The following SPMIP7 variants were observed in gnomAD, a reference collection of about 807,000 sequenced individuals.
SPMIP7 encodes the protein protein SPMIP7.
At chr7:50,148,553 T>TTCGCACAGA in the SPMIP7 span, among the ~76,000 whole-genome samples, 3 of 152,168 alleles carry the variant, frequency 2.0e-5, no homozygotes, top group Non-Finnish European at 4.4e-5. Flanking sequence ...GGGATTTCCT[T>TTCGCACAGA]TGTAACATGC....
the SPMIP7 span, among the ~76,000 whole-genome samples, chr7:50,113,119 C>T: frequency 2.6e-5 from 4 of 151,998 alleles, no homozygotes; most frequent in Non-Finnish European, 4.4e-5. Context: ...AGGGATATTA[C>T]CTTTGTAGTC....
the SPMIP7 span, among the ~76,000 whole-genome samples, chr7:50,134,826 T>C: frequency 2.0e-5 from 3 of 152,220 alleles, no homozygotes; most frequent in African/African-American, 4.8e-5. Flanking sequence ...CAGATAACTT[T>C]TCGTAATGTG....
the SPMIP7 span, among the ~76,000 whole-genome samples, chr7:50,119,267 T>C: frequency 6.6e-6 from 1 of 152,100 alleles, no homozygotes; most frequent in Non-Finnish European, 1.5e-5. Context: ...TGTATACCTG[T>C]TTGAGAATTG....
chr7:50,134,113 A>G, the SPMIP7 span: 2 of 1,542,814 alleles, frequency 1.3e-6, no homozygotes, highest in Non-Finnish European at 1.7e-6. Context: ...CATAGAGCTT[A>G]TGAAGATGTT....
the SPMIP7 span, among the ~76,000 whole-genome samples, chr7:50,120,973 A>G: frequency 2.6e-5 from 4 of 152,176 alleles, no homozygotes; most frequent in Non-Finnish European, 5.9e-5. Flanking sequence ...TGCATAGTGT[A>G]CTTCACTTTC....
chr7:50,153,825 G>A, the SPMIP7 span, among the ~76,000 whole-genome samples: 2 of 152,148 alleles, frequency 1.3e-5, no homozygotes, highest in African/African-American at 2.4e-5. Context: ...ACCCTAGGGG[G>A]TGGCTCTCAG....
chr7:50,151,395 C>T, the SPMIP7 span: 1 of 1,322,784 alleles, frequency 7.6e-7, no homozygotes, highest in African/African-American at 1.5e-5. Context: ...ATGACAATTT[C>T]ACAAATCATC....
chr7:50,125,094 G>GTATATATATATATATATATATATATA, the SPMIP7 span, among the ~76,000 whole-genome samples: 26 of 73,808 alleles, frequency 3.5e-4, no homozygotes, highest in African/African-American at 7.8e-4. Flanking sequence ...GTGAGATTAA[G>GTATATATATATATATATATATATATA]TATATATATA....
chr7:50,116,311 C>T, the SPMIP7 span, among the ~76,000 whole-genome samples: 7 of 152,110 alleles, frequency 4.6e-5, no homozygotes, highest in African/African-American at 1.7e-4. Flanking sequence ...GACAGGGTCT[C>T]CCCATGTTGC....
At chr7:50,155,718 T>C in the SPMIP7 span, among the ~76,000 whole-genome samples, 1 of 151,294 alleles carries the variant, frequency 6.6e-6, no homozygotes, top group South Asian at 2.1e-4. Context: ...GAATATAACT[T>C]GTATCTTTCA....
the SPMIP7 span, among the ~76,000 whole-genome samples, chr7:50,114,458 G>T: frequency 1.2e-4 from 18 of 152,064 alleles, no homozygotes; most frequent in African/African-American, 4.3e-4. Flanking sequence ...TGGAGTTAAA[G>T]ATGTATATTG....
the SPMIP7 span, among the ~76,000 whole-genome samples, chr7:50,132,195 T>C: frequency 2.6e-5 from 4 of 152,136 alleles, no homozygotes; most frequent in Non-Finnish European, 4.4e-5. Context: ...AAAACATACC[T>C]GCTTGCTGAA....
At chr7:50,124,267 G>A in the SPMIP7 span, among the ~76,000 whole-genome samples, 1 of 152,016 alleles carries the variant, frequency 6.6e-6, no homozygotes, top group African/African-American at 2.4e-5. Context: ...ACAAAAAGGA[G>A]AGATACACAA....
the SPMIP7 span, chr7:50,121,365 T>C: frequency 6.6e-6 from 1 of 152,232 alleles, no homozygotes; most frequent in African/African-American, 2.4e-5. Context: ...TAACAACTTG[T>C]GAGTAAATTC....
At chr7:50,138,677 G>A in the SPMIP7 span, among the ~76,000 whole-genome samples, 4 of 151,756 alleles carry the variant, frequency 2.6e-5, no homozygotes, top group South Asian at 4.1e-4. Context: ...TTTAATGATC[G>A]AAAATCAATA....
the SPMIP7 span, among the ~76,000 whole-genome samples, chr7:50,100,816 T>TAAATAAATAAATA: frequency 4.4e-4 from 44 of 99,954 alleles, no homozygotes; most frequent in Middle Eastern, 6.5e-3. Flanking sequence ...CGTCCAAAAA[T>TAAATAAATAAATA]AAATAAATAA....
the SPMIP7 span, among the ~76,000 whole-genome samples, chr7:50,114,576 TA>T: frequency 6.6e-6 from 1 of 151,692 alleles, no homozygotes; most frequent in Admixed American, 6.6e-5. Context: ...ATTTTAAAAT[TA>T]AAAAAATTCT....
the SPMIP7 span, chr7:50,136,296 G>A: frequency 6.1e-6 from 4 of 658,608 alleles, no homozygotes; most frequent in African/African-American, 5.4e-5. Context: ...GAGCATCCCA[G>A]GGACTCCCTG....
chr7:50,095,903 G>A, the SPMIP7 span: 1 of 451,822 alleles, frequency 2.2e-6, no homozygotes, highest in South Asian at 6.5e-5. Flanking sequence ...TCTTCCTTTG[G>A]TGGAGGAAAA....
Sources: allele counts gnomAD v4.1 joint callset (sites outside exome capture counted in the v4.1 genomes callset), GRCh38; gene constraint gnomAD v4.1.1; transcripts MANE v1.5; gene names NCBI Gene and HGNC (gene_info 2026-07-23, HGNC 2026-07-21).